The following RANBP2 variants were observed in gnomAD, a reference collection of about 807,000 sequenced individuals.
RANBP2 encodes E3 SUMO-protein ligase RanBP2.
Under a neutral mutation model 303.6 loss-of-function variants are expected in RANBP2, and 57 were observed. The observed-to-expected ratio is 0.19, with a 90% CI of 0.15 to 0.23. The LOEUF is 0.23. RANBP2 is among the 10% of genes least tolerant of loss of function. The pLI is 1.00. For synonymous variants in RANBP2, 1,167 were observed against 1,301.5 expected (o/e 0.90, Z 2.23); for missense variants, 3,138 against 3,780.8 (o/e 0.83, Z 4.46).
At chr2:109,439,311 G>T in the RANBP2 span, among the ~76,000 whole-genome samples, 1 of 152,252 alleles carries the variant, frequency 6.6e-6, no homozygotes, top group South Asian at 2.1e-4. Context: ...CCCAGCACTT[G>T]TCCCCACGCT....
the RANBP2 span, among the ~76,000 whole-genome samples, chr2:109,596,472 C>T: frequency 6.6e-6 from 1 of 151,954 alleles, no homozygotes; most frequent in East Asian, 1.9e-4. Context: ...AAAAAATTAG[C>T]CGAGCGTGCT....
At chr2:109,177,481 G>A in the RANBP2 span, among the ~76,000 whole-genome samples, 4 of 152,078 alleles carry the variant, frequency 2.6e-5, no homozygotes, top group African/African-American at 9.7e-5. Flanking sequence ...TGGCAGCTCC[G>A]TGACTCCTTG....
At chr2:109,350,163 C>T in the RANBP2 span, among the ~76,000 whole-genome samples, 2 of 152,216 alleles carry the variant, frequency 1.3e-5, no homozygotes, top group Non-Finnish European at 2.9e-5. Context: ...GGCTTAGACT[C>T]ATTCTGCGGT....
the RANBP2 span, among the ~76,000 whole-genome samples, chr2:108,814,414 A>G: frequency 6.6e-6 from 1 of 152,154 alleles, no homozygotes; most frequent in Non-Finnish European, 1.5e-5. Flanking sequence ...TTGAAAAGGT[A>G]CAGACTTTAT....
At chr2:109,728,348 T>C in the RANBP2 span, among the ~76,000 whole-genome samples, 1 of 152,228 alleles carries the variant, frequency 6.6e-6, no homozygotes, top group Non-Finnish European at 1.5e-5. Flanking sequence ...ATGATCGTTG[T>C]CATTCTAAGT....
At chr2:108,913,333 C>T in the RANBP2 span, among the ~76,000 whole-genome samples, 1 of 152,110 alleles carries the variant, frequency 6.6e-6, no homozygotes, top group Non-Finnish European at 1.5e-5. Flanking sequence ...GCAAGCCTCA[C>T]CAACTCAATT....
chr2:109,599,255 T>G, the RANBP2 span, among the ~76,000 whole-genome samples: 1 of 151,672 alleles, frequency 6.6e-6, no homozygotes, highest in East Asian at 1.9e-4. Context: ...GTCAGGAGTT[T>G]GAGACCAGCC....
At chr2:109,383,531 A>G in the RANBP2 span, among the ~76,000 whole-genome samples, 2 of 152,026 alleles carry the variant, frequency 1.3e-5, no homozygotes, top group African/African-American at 4.8e-5. Flanking sequence ...TCTGTTTCCA[A>G]TGGATAGGGT....
the RANBP2 span, among the ~76,000 whole-genome samples, chr2:109,336,137 T>C: frequency 2.6e-5 from 4 of 152,186 alleles, no homozygotes; most frequent in Admixed American, 2.0e-4. Context: ...ATATTTAATA[T>C]CTTAAAGAAA....
intron 20 of RANBP2, 60 bp from the exon 21 acceptor site, chr2:108,771,641 G>C: frequency 6.3e-7 from 1 of 1,595,954 alleles, no homozygotes; most frequent in Non-Finnish European, 8.5e-7. Context: ...TTTTCAGTTA[G>C]AGTATTAACG....
At chr2:108,982,929 GTC>G in the RANBP2 span, among the ~76,000 whole-genome samples, 20 of 152,086 alleles carry the variant, frequency 1.3e-4, no homozygotes, top group Admixed American at 9.2e-4. Flanking sequence ...TGCAGGGATG[GTC>G]TCTCTCTCTC....
At chr2:109,556,190 G>T in the RANBP2 span, among the ~76,000 whole-genome samples, 1 of 152,284 alleles carries the variant, frequency 6.6e-6, no homozygotes, top group East Asian at 1.9e-4. Flanking sequence ...CCTATGTGTA[G>T]AATTTTGGAG....
the RANBP2 span, among the ~76,000 whole-genome samples, chr2:109,706,174 T>G: frequency 6.6e-6 from 1 of 152,198 alleles, no homozygotes; most frequent in African/African-American, 2.4e-5. Flanking sequence ...CTGTCCCCAG[T>G]CTATTCTCAG....
the RANBP2 span, among the ~76,000 whole-genome samples, chr2:109,470,224 G>T: frequency 6.6e-6 from 1 of 152,198 alleles, no homozygotes; most frequent in South Asian, 2.1e-4. Flanking sequence ...GATTACTTTG[G>T]AATGACTTAT....
chr2:109,057,909 G>A, the RANBP2 span, among the ~76,000 whole-genome samples: 1 of 152,202 alleles, frequency 6.6e-6, no homozygotes, highest in Non-Finnish European at 1.5e-5. Context: ...TAACCAGGAG[G>A]GAGATGATAA....
the RANBP2 span, among the ~76,000 whole-genome samples, chr2:109,631,572 G>A: frequency 1.3e-5 from 2 of 151,970 alleles, no homozygotes; most frequent in African/African-American, 4.8e-5. Context: ...CCTGGACAAC[G>A]TGGTGAAACC....
At chr2:109,619,812 A>G in the RANBP2 span, among the ~76,000 whole-genome samples, 1 of 152,226 alleles carries the variant, frequency 6.6e-6, no homozygotes, top group Non-Finnish European at 1.5e-5. Flanking sequence ...GGAGTTTCTT[A>G]CATGATTAAT....
chr2:109,118,589 G>A, the RANBP2 span, among the ~76,000 whole-genome samples: 119 of 149,736 alleles, frequency 7.9e-4, 1 homozygote, highest in African/African-American at 2.7e-3. Flanking sequence ...GTCAGTGTAC[G>A]TTTTATTCAT....
chr2:109,172,490 A>G, the RANBP2 span, among the ~76,000 whole-genome samples: 1 of 152,152 alleles, frequency 6.6e-6, no homozygotes, highest in Non-Finnish European at 1.5e-5. Context: ...TGCAGTGAAA[A>G]TAGTCCTTAA....
Sources: allele counts gnomAD v4.1 joint callset (sites outside exome capture counted in the v4.1 genomes callset), GRCh38; gene constraint gnomAD v4.1.1; transcripts MANE v1.5; gene names NCBI Gene and HGNC (gene_info 2026-07-23, HGNC 2026-07-21).